CCNF: variants seen among roughly 807,000 people sequenced by gnomAD.
CCNF encodes cyclin F.
Under a neutral mutation model 85.4 loss-of-function variants are expected in CCNF, and 30 were observed. That is an observed-to-expected ratio of 0.35 (90% CI 0.26 to 0.48). CCNF has a LOEUF of 0.48. Ranked by LOEUF, CCNF falls within the 20% of genes least tolerant of loss-of-function variation. The pLI is 0.99. For synonymous variants in CCNF, 439 were observed against 425.1 expected, an observed-to-expected ratio of 1.03 and a Z score of -0.40; for missense variants, 919 against 1,010.4, an observed-to-expected ratio of 0.91 and a Z score of 1.23.
At chr16:2,443,359 C>T (rs573590509) in intron 8 of CCNF, among the ~76,000 whole-genome samples, 1 of 151,508 alleles carries the variant, frequency 6.6e-6, no homozygotes, top group Non-Finnish European at 1.5e-5. Flanking sequence ...TGGCCAGAGA[C>T]TTAACACAGC....
At chr16:2,429,634 G>A (rs1470437333) in intron 1 of CCNF, 137 bp downstream of exon 1, 1 of 923,590 alleles carries the variant, frequency 1.1e-6, no homozygotes, top group Non-Finnish European at 1.4e-6. Flanking sequence ...ACCCGGGGCG[G>A]ATGTCGCGTC....
chr16:2,453,471 C>G lies in CCNF; in HGVS notation c.1649C>G (p.Pro550Arg). ...GTGACACAAGACAGCCCCGACCCCC[C>G]GACTTTCCTCAGCACAGGGGAGATC... ...LGVTQDSPDP[P>R]TFLSTGEIHA... The change falls in exon 15 of 17, where the codon CCG becomes CGG. Residue 550 changes from proline (P) to arginine (R), a missense_variant. Coordinates refer to ENST00000397066, the MANE Select transcript of CCNF (RefSeq NM_001761.3). This position sits in a 1 kb window ranked among gnomAD's most constrained non-coding sequence, Gnocchi z 5.6. 6.2e-7 allele frequency: 1 copy of G among 1,614,104 alleles called. No homozygotes were observed. Among genetic ancestry groups the G allele is most frequent in the East Asian group, 2.2e-5 (1 of 44,876 alleles).
chr16:2,441,977 A>ATC (rs2065324879), intron 8 of CCNF, among the ~76,000 whole-genome samples: 3 of 95,856 alleles, frequency 3.1e-5, no homozygotes, highest in Non-Finnish European at 6.7e-5. Context: ...ATATATATAT[A>ATC]TATATGTTTT....
At chr16:2,450,655 C>T (rs919102187) in intron 13 of CCNF, among the ~76,000 whole-genome samples, 1 of 152,186 alleles carries the variant, frequency 6.6e-6, no homozygotes, top group African/African-American at 2.4e-5. Flanking sequence ...GTAACTTGTG[C>T]GTGTTGTCAA....
chr16:2,436,236 A>T (rs1197678455), intron 4 of CCNF: 1 of 190,324 alleles, frequency 5.3e-6, no homozygotes, highest in Non-Finnish European at 1.1e-5. Context: ...ATCCTCTTAG[A>T]ACTCTCGAGA....
At position 2,452,025 on chromosome 16, in the gene CCNF, C is replaced by T. The variant is rs1309003247; in HGVS notation, c.1488-1185C>T. 6.6e-6 allele frequency among the ~76,000 whole-genome samples: 1 copy of T among 152,262 alleles called. No individual in the cohort carries two copies. Among genetic ancestry groups the T allele is most frequent in the East Asian group, 1.9e-4 (1 of 5,202 alleles). ...GTGCCCAGCTGAGGCCTCCACCAGC[C>T]GCTGCTGCTTCTCCATCCCTGCATC... On this transcript the variant is annotated intron_variant, in intron 13 of 16. Transcript: ENST00000397066. This position sits in a 1 kb window ranked among gnomAD's most constrained non-coding sequence, Gnocchi z 4.1.
Position 2,455,522 on chromosome 16 carries a change from T to G in CCNF, c.1843T>G (p.Tyr615Asp). 2.5e-6 allele frequency: 4 copies of G among 1,605,240 alleles called. No individual in the cohort carries two copies. The highest frequency in any genetic ancestry group is 3.4e-6 in the Non-Finnish European group (4 of 1,172,968). The change falls in exon 16 of 17, where the codon TAT becomes GAT. Residue 615 changes from tyrosine (Y) to aspartate (D), a missense_variant. Around this residue, in one of 3 missense-constraint regions of CCNF, gnomAD observed 505 missense variants for 514.8 expected, o/e 0.98. Transcript: ENST00000397066. ...LDWSLDCCSG[Y>D]EGDQESEGEK... is the part of the protein sequence containing the mutation. ...CTGGAGCCTGGACTGCTGCTCTGGC[T>G]ATGAAGGCGACCAGGAGAGTGAGGG...
chr16:2,443,603 C>CTT (rs780647051), intron 8 of CCNF, 46 bp from the exon 9 acceptor site: 7 of 1,592,992 alleles, frequency 4.4e-6, no homozygotes, highest in Non-Finnish European at 4.3e-6. Context: ...TGGAAAACTG[C>CTT]AACATGGCTG....
At chr16:2,444,301 C>CTT (rs764089161) in intron 9 of CCNF, among the ~76,000 whole-genome samples, 3 of 139,150 alleles carry the variant, frequency 2.2e-5, no homozygotes, top group Non-Finnish European at 1.6e-5. Flanking sequence ...TCTTCAGTTA[C>CTT]TTTTTTTTTT....
At position 2,439,248 on chromosome 16, in the gene CCNF, G is replaced by C. The variant is rs1026732124; in HGVS notation, c.595-105G>C. On this transcript the variant is annotated intron_variant, in intron 6 of 16. Coordinates refer to ENST00000397066, the MANE Select transcript of CCNF (RefSeq NM_001761.3). ...AGGAGGCGGAGGTTGCAGTGAGCCA[G>C]GATGGCGCCATTGCACTCCAACCTG... is the stretch of plus-strand genomic sequence containing the variant. The C allele has an allele frequency of 9.1e-5, 83 of 915,732 alleles. 2 individuals are homozygous for C. In the South Asian group the frequency reaches 1.3e-3, roughly 14 times the overall value. The allele number at this position is 915,732 out of a possible 1,614,324, so 56.7% of individuals were successfully genotyped here. A position where few individuals can be genotyped will look rare whatever the true frequency, so the allele number is the denominator to read the frequency against.
At chr16:2,442,779 A>C (rs1596921847) in intron 8 of CCNF, among the ~76,000 whole-genome samples, 2 of 6,216 alleles carry the variant, frequency 3.2e-4, no homozygotes, top group Non-Finnish European at 4.0e-4. Flanking sequence ...TATCATATAT[A>C]ATATTATATA....
In CCNF at chr16:2,455,380, C is replaced by T. The variant is rs2065420799; in HGVS notation, c.1716-15C>T. 6.4e-7 allele frequency: 1 copy of T among 1,571,762 alleles called. No individual in the cohort carries two copies. Among genetic ancestry groups the T allele is most frequent in the Admixed American group, 1.7e-5 (1 of 58,564 alleles). On this transcript the variant is annotated splice_polypyrimidine_tract_variant and intron_variant, in intron 15 of 16. Coordinates refer to ENST00000397066, the MANE Select transcript of CCNF (RefSeq NM_001761.3). Reference sequence around the variant, plus strand: ...CGTCCATGACTGGGTCTCCTGGGCTCTCTCCACCTTGCAGGAAGCGGGAGA... The same window carrying T: ...CGTCCATGACTGGGTCTCCTGGGCTTTCTCCACCTTGCAGGAAGCGGGAGA...
chr16:2,439,562 C>G, intron 7 of CCNF, 105 bp downstream of exon 7: 6 of 960,004 alleles, frequency 6.2e-6, no homozygotes, highest in Non-Finnish European at 8.0e-6. Context: ...GTGGCTCTTG[C>G]TGCTCCCGGT....
At chr16:2,435,069 G>A (rs1451109892) in intron 3 of CCNF, among the ~76,000 whole-genome samples, 1 of 151,762 alleles carries the variant, frequency 6.6e-6, no homozygotes, top group African/African-American at 2.4e-5. Context: ...GGCTAACATG[G>A]TGAAACCCCG....
chr16:2,445,753 A>C (rs1455332421), intron 10 of CCNF, 131 bp downstream of exon 10: 1 of 819,044 alleles, frequency 1.2e-6, no homozygotes, highest in South Asian at 1.8e-5. Context: ...CCCGAGACCA[A>C]GTCTCGCTCT....
chr16:2,449,078 C>G, intron 11 of CCNF, 100 bp downstream of exon 11: 1 of 1,533,780 alleles, frequency 6.5e-7, no homozygotes, highest in Non-Finnish European at 9.0e-7. Context: ...GCCTCATGGA[C>G]TCAGAGAGCA....
Position 2,439,602 on chromosome 16 carries a change from C to T in CCNF, c.699+145C>T, listed in dbSNP as rs923652605. Reference sequence around the variant, plus strand: ...CAGCCTCCGGGAACCACTGGTCAGTCGGCTATTCTTGGTACCCCCAAAAAT... The same window carrying T: ...CAGCCTCCGGGAACCACTGGTCAGTTGGCTATTCTTGGTACCCCCAAAAAT... On this transcript the variant is annotated intron_variant, in intron 7 of 16. Coordinates refer to ENST00000397066, the MANE Select transcript of CCNF (RefSeq NM_001761.3). The T allele has an allele frequency of 2.7e-5, 24 of 900,424 alleles. No individual in the cohort carries two copies. In the East Asian group the frequency reaches 5.0e-4, roughly 19 times the overall value. The allele number at this position is 900,424 out of a possible 1,614,324, so 55.8% of individuals were successfully genotyped here.
rs760258166 is a variant in CCNF at position 2,439,430 on chromosome 16, C to A, written c.672C>A (p.Leu224=). ...AHQGCLTSSY[L]LWESDRRTDV... ...AGGGATGTCTGACCAGCTCCTACCT[C>A]CTCTGGGAAAGCGACAGGAGGACAG... The change falls in exon 7 of 17, where the codon CTC becomes CTA. Residue 224 remains leucine (L), a synonymous_variant. Transcript: ENST00000397066. 15 of 1,610,980 alleles carry A rather than the reference C, an allele frequency of 9.3e-6. No individual in the cohort carries two copies. The highest frequency in any genetic ancestry group is 1.3e-5 in the Non-Finnish European group (15 of 1,179,010).
intron 16 of CCNF, 22 bp downstream of exon 16, chr16:2,455,586 A>G (rs993996611): frequency 6.3e-7 from 1 of 1,576,466 alleles, no homozygotes; most frequent in African/African-American, 1.3e-5. Context: ...GCCAGGGTGC[A>G]CCAGAAGGGA....
Sources: allele counts gnomAD v4.1 joint callset (sites outside exome capture counted in the v4.1 genomes callset), GRCh38; gene constraint gnomAD v4.1.1; regional missense constraint gnomAD v4.1.1; non-coding constraint Gnocchi (gnomAD v3.1); transcripts MANE v1.5; gene names NCBI Gene and HGNC (gene_info 2026-07-23, HGNC 2026-07-21).